SYNPR: variants seen among roughly 807,000 people sequenced by gnomAD.
The protein encoded by SYNPR is synaptoporin.
SYNPR carries 23 observed loss-of-function variants against 32.9 expected under a neutral mutation model. That is an observed-to-expected ratio of 0.70 (90% CI 0.50 to 0.99). SYNPR has a LOEUF of 0.99. Ranked by LOEUF, SYNPR falls within the 50% of genes least tolerant of loss-of-function variation. SYNPR has a pLI of 0.00. For missense variants in SYNPR, 318 were observed against 349.3 expected (o/e 0.91, Z 0.71); for synonymous variants, 146 against 135.9 (o/e 1.07, Z -0.52).
chr3:63,372,545 C>T (rs1168977224), intron 2 of SYNPR, among the ~76,000 whole-genome samples: 1 of 152,196 alleles, frequency 6.6e-6, no homozygotes, highest in African/African-American at 2.4e-5. Flanking sequence ...CCCCTTTCCC[C>T]CACAACCCTC....
At chr3:63,430,365 C>T (rs1351134974) in intron 2 of SYNPR, among the ~76,000 whole-genome samples, 2 of 60,176 alleles carry the variant, frequency 3.3e-5, no homozygotes, top group Admixed American at 3.3e-4. Context: ...TGAGAATACA[C>T]ACACACACAC....
chr3:63,439,023 G>C (rs1260337107), intron 2 of SYNPR, among the ~76,000 whole-genome samples: 1 of 149,832 alleles, frequency 6.7e-6, no homozygotes, highest in Non-Finnish European at 1.5e-5. Context: ...GGCCTGAAAG[G>C]ACCCCTTTTG....
intron 2 of SYNPR, among the ~76,000 whole-genome samples, chr3:63,330,931 C>G (rs1462439699): frequency 6.6e-6 from 1 of 152,148 alleles, no homozygotes. Context: ...TACGATGAAA[C>G]TGTCTGTTCA....
rs534691711 is a variant in SYNPR, at chr3:63,550,504, AC to A, written c.210-6038del. Among the ~76,000 whole-genome samples the A allele has an allele frequency of 1.2e-4, 19 of 152,026 alleles. No individual in the cohort carries two copies. In the South Asian group the frequency reaches 3.3e-3, roughly 27 times the overall value. On this transcript the variant is annotated intron_variant, in intron 3 of 5. Coordinates refer to ENST00000478300, the MANE Select transcript of SYNPR (RefSeq NM_001130003.2). Reference sequence around the variant, plus strand: ...CTTTTAGTAATTTTTTTTGTCTTATACAGATAAGCACAATTAACAATTTCTT... The same window carrying A: ...CTTTTAGTAATTTTTTTTGTCTTATAAGATAAGCACAATTAACAATTTCTT...
chr3:63,560,814 C>T (rs57922010), intron 4 of SYNPR, among the ~76,000 whole-genome samples: 1,644 of 152,262 alleles, frequency 0.011, 28 homozygotes, highest in African/African-American at 0.037. Context: ...GGGGGAACCA[C>T]CCCCATGATC....
At chr3:63,257,137 A>G (rs1385285982) in intron 2 of SYNPR, among the ~76,000 whole-genome samples, 1 of 152,212 alleles carries the variant, frequency 6.6e-6, no homozygotes, top group African/African-American at 2.4e-5. Flanking sequence ...CCAAGTTAAA[A>G]CACTCTGCAG....
intron 2 of SYNPR, among the ~76,000 whole-genome samples, chr3:63,301,881 A>G (rs974458438): frequency 2.6e-5 from 4 of 152,170 alleles, no homozygotes; most frequent in South Asian, 2.1e-4. Flanking sequence ...GTATAAATGA[A>G]TTAATTTCAC....
chr3:63,587,373 T>C (rs17069120), intron 4 of SYNPR, among the ~76,000 whole-genome samples: 2,812 of 152,270 alleles, frequency 0.018, 82 homozygotes, highest in African/African-American at 0.064. Context: ...CAGAGAACTT[T>C]AAAATCCATC....
intron 2 of SYNPR, among the ~76,000 whole-genome samples, chr3:63,389,695 C>A (rs1399462801): frequency 2.0e-5 from 3 of 152,226 alleles, no homozygotes. Flanking sequence ...AATCAACATG[C>A]TGCCACCATA....
chr3:63,302,964 A>G (rs1348829234), intron 2 of SYNPR, among the ~76,000 whole-genome samples: 2 of 151,990 alleles, frequency 1.3e-5, no homozygotes, highest in African/African-American at 2.4e-5. Flanking sequence ...TATCCCAAAT[A>G]TACTGATTCA....
chr3:63,373,024 A>C (rs568199650), intron 2 of SYNPR, among the ~76,000 whole-genome samples: 1 of 152,130 alleles, frequency 6.6e-6, no homozygotes, highest in African/African-American at 2.4e-5. Flanking sequence ...TCAGCTACAA[A>C]CCCCCTGCAA....
chr3:63,262,396 T>C (rs886193266), intron 2 of SYNPR, among the ~76,000 whole-genome samples: 2 of 152,182 alleles, frequency 1.3e-5, no homozygotes, highest in Admixed American at 6.5e-5. Flanking sequence ...TTGGGAGTGG[T>C]AGGGAGAGAA....
At chr3:63,449,428 T>G (rs971215194) in intron 2 of SYNPR, among the ~76,000 whole-genome samples, 5 of 152,182 alleles carry the variant, frequency 3.3e-5, no homozygotes, top group African/African-American at 1.2e-4. Flanking sequence ...AGATAATTCA[T>G]TATTGTTAGG....
intron 4 of SYNPR, among the ~76,000 whole-genome samples, chr3:63,559,226 C>T (rs763962672): frequency 1.3e-5 from 2 of 151,954 alleles, no homozygotes; most frequent in African/African-American, 4.8e-5. Context: ...TAGGCGCACA[C>T]CACCACACTC....
Position 63,606,509 on chromosome 3 carries a change from G to T in SYNPR, c.409-2616G>T, listed in dbSNP as rs117688306. Among the ~76,000 whole-genome samples, 373 of 137,788 alleles carry T rather than the reference G, an allele frequency of 2.7e-3. 15 individuals are homozygous for T. In the East Asian group the frequency reaches 0.077, roughly 29 times the overall value. 90.4% of individuals were successfully genotyped at this position (137,788 alleles called of 152,430 possible). ...TGCAGTGATGCAATCATAGCTCACT[G>T]CAACTTCAAACTCCTGGGATCAGGC... is the stretch of plus-strand genomic sequence containing the variant. On this transcript the variant is annotated intron_variant, in intron 4 of 5. Transcript: ENST00000478300.
In SYNPR at chr3:63,591,836, T is replaced by C. The variant is rs1222147447; in HGVS notation, c.409-17289T>C. Among the ~76,000 whole-genome samples the C allele has an allele frequency of 2.9e-3, 412 of 143,850 alleles. 5 individuals are homozygous for C. Among genetic ancestry groups the C allele is most frequent in the African/African-American group, 9.8e-3 (381 of 38,864 alleles). 94.4% of individuals were successfully genotyped at this position (143,850 alleles called of 152,430 possible). Reference sequence around the variant, plus strand: ...TGGGGGGAGGGGGGGAGGGATAGCATTGGGAGATATACCTAATGCTAGATG... The same window carrying C: ...TGGGGGGAGGGGGGGAGGGATAGCACTGGGAGATATACCTAATGCTAGATG... On this transcript the variant is annotated intron_variant, in intron 4 of 5. Transcript: ENST00000478300.
At chr3:63,222,514 T>TTTTG in the SYNPR span, among the ~76,000 whole-genome samples, 2 of 152,160 alleles carry the variant, frequency 1.3e-5, no homozygotes, top group Non-Finnish European at 2.9e-5. Context: ...ACAACCAGTT[T>TTTTG]TTTGTTTGTT....
chr3:63,566,339 G>A (rs970243725), intron 4 of SYNPR, among the ~76,000 whole-genome samples: 3 of 152,084 alleles, frequency 2.0e-5, no homozygotes, highest in African/African-American at 7.2e-5. Flanking sequence ...ATCTTGTATT[G>A]ATTTTTCCTT....
intron 2 of SYNPR, among the ~76,000 whole-genome samples, chr3:63,375,667 T>C (rs1355748476): frequency 6.6e-6 from 1 of 152,134 alleles, no homozygotes; most frequent in Admixed American, 6.5e-5. Context: ...CATGTATACC[T>C]GTGTAACAAA....
Sources: gnomAD v4.1 joint callset for allele counts (sites outside exome capture counted in the v4.1 genomes callset) on GRCh38, gnomAD v4.1.1 for gene constraint, MANE v1.5 for transcripts, NCBI Gene and HGNC (gene_info 2026-07-23, HGNC 2026-07-21) for gene names.